Variants in NCKAP5 observed in about 807,000 individuals in gnomAD.
NCKAP5 encodes the protein NCK associated protein 5.
A neutral mutation model predicts 167.0 loss-of-function variants in NCKAP5; 92 were observed. The ratio of observed to expected loss-of-function variants is 0.55; its 90% CI spans 0.47 to 0.66. NCKAP5 has a LOEUF of 0.66. Ranked by LOEUF, NCKAP5 falls within the 30% of genes least tolerant of loss-of-function variation. The probability of loss-of-function intolerance (pLI) is 0.00; values close to 1 mark genes in which losing one functional copy is unlikely to be tolerated. For missense variants in NCKAP5, 2,378 were observed against 2,315.0 expected (o/e 1.03, Z -0.56); for synonymous variants, 891 against 877.4 (o/e 1.02, Z -0.27).
chr2:133,179,159 C>A (rs1343299070), intron 5 of NCKAP5, among the ~76,000 whole-genome samples: 1 of 150,614 alleles, frequency 6.6e-6, no homozygotes, highest in Non-Finnish European at 1.5e-5. Flanking sequence ...CAAAAGAAAG[C>A]AAAAAGTAAC....
intron 3 of NCKAP5, among the ~76,000 whole-genome samples, chr2:133,336,877 C>A (rs1683244986): frequency 6.6e-6 from 1 of 152,262 alleles, no homozygotes; most frequent in Non-Finnish European, 1.5e-5. Flanking sequence ...AGAGGTATAT[C>A]CCTACCGGGT....
At chr2:133,160,933 G>A (rs1486759788) in intron 5 of NCKAP5, among the ~76,000 whole-genome samples, 1 of 152,104 alleles carries the variant, frequency 6.6e-6, no homozygotes, top group African/African-American at 2.4e-5. Context: ...TGTGACAGGT[G>A]TCCCCAGCCC....
At chr2:133,615,958 A>C in the NCKAP5 span, among the ~76,000 whole-genome samples, 2 of 150,582 alleles carry the variant, frequency 1.3e-5, no homozygotes, top group Non-Finnish European at 3.0e-5. Context: ...TATCTCTCAG[A>C]CCACAGTGCA....
intron 7 of NCKAP5, among the ~76,000 whole-genome samples, chr2:132,991,830 T>C (rs2077457039): frequency 6.6e-6 from 1 of 152,188 alleles, no homozygotes; most frequent in East Asian, 1.9e-4. Flanking sequence ...AGCTCTTGCC[T>C]GAAACGCAGA....
chr2:133,020,175 T>C (rs140511705), intron 6 of NCKAP5, among the ~76,000 whole-genome samples: 1 of 152,344 alleles, frequency 6.6e-6, no homozygotes, highest in African/African-American at 2.4e-5. Context: ...GACGACATCA[T>C]GGGAATCCAT....
At chr2:133,023,043 C>T (rs1477626288) in intron 6 of NCKAP5, among the ~76,000 whole-genome samples, 1 of 152,158 alleles carries the variant, frequency 6.6e-6, no homozygotes, top group African/African-American at 2.4e-5. Context: ...AGTGGAGCCT[C>T]GAGGTGACTC....
At chr2:132,886,191 A>C (rs1469344013) in intron 8 of NCKAP5, among the ~76,000 whole-genome samples, 2 of 152,198 alleles carry the variant, frequency 1.3e-5, no homozygotes, top group African/African-American at 4.8e-5. Flanking sequence ...TGGATGTATA[A>C]AAATGTAGCA....
chr2:133,312,338 G>T (rs1681299109), intron 3 of NCKAP5, among the ~76,000 whole-genome samples: 3 of 152,110 alleles, frequency 2.0e-5, no homozygotes, highest in Non-Finnish European at 4.4e-5. Context: ...ACTTCAATTT[G>T]TTGGATACTG....
intron 19 of NCKAP5, among the ~76,000 whole-genome samples, chr2:132,718,269 C>T (rs1689561360): frequency 6.6e-6 from 1 of 152,212 alleles, no homozygotes. Context: ...AATCTTCTAT[C>T]CTCTAGCACT....
the NCKAP5 span, among the ~76,000 whole-genome samples, chr2:133,598,586 A>G: frequency 6.6e-6 from 1 of 152,192 alleles, no homozygotes; most frequent in Non-Finnish European, 1.5e-5. Context: ...CTCCTTGACA[A>G]CAGGGGCCCA....
intron 11 of NCKAP5, among the ~76,000 whole-genome samples, chr2:132,811,626 C>T (rs983196815): frequency 2.6e-5 from 4 of 152,094 alleles, no homozygotes; most frequent in Non-Finnish European, 5.9e-5. Flanking sequence ...CCCCTGCCCC[C>T]TCAACAGCCC....
chr2:133,329,615 G>A (rs1682694418), intron 3 of NCKAP5, among the ~76,000 whole-genome samples: 1 of 152,100 alleles, frequency 6.6e-6, no homozygotes, highest in African/African-American at 2.4e-5. Flanking sequence ...TAAGCCCACT[G>A]GAATTGTCAA....
At chr2:132,932,289 G>C (rs1438916324) in intron 8 of NCKAP5, among the ~76,000 whole-genome samples, 4 of 152,106 alleles carry the variant, frequency 2.6e-5, no homozygotes, top group Non-Finnish European at 5.9e-5. Flanking sequence ...TTCTGATCTG[G>C]AGAAGTATCA....
At chr2:133,119,661 T>C (rs1202467068) in intron 6 of NCKAP5, among the ~76,000 whole-genome samples, 3 of 152,130 alleles carry the variant, frequency 2.0e-5, no homozygotes, top group African/African-American at 4.8e-5. Flanking sequence ...TGTACATCTA[T>C]TATCTATCAA....
chr2:133,031,501 G>A (rs2320542), intron 6 of NCKAP5, among the ~76,000 whole-genome samples: 47,875 of 152,064 alleles, frequency 0.31, 7,513 homozygotes, highest in Non-Finnish European at 0.33. Flanking sequence ...CCATGTCTCC[G>A]AGTAAACTTG....
At chr2:133,512,140 G>A (rs2151424722) in intron 3 of NCKAP5, among the ~76,000 whole-genome samples, 1 of 152,306 alleles carries the variant, frequency 6.6e-6, no homozygotes, top group South Asian at 2.1e-4. Flanking sequence ...GCTGTACTGA[G>A]CAACACCAGC....
chr2:133,163,493 C>T (rs10175976), intron 5 of NCKAP5, among the ~76,000 whole-genome samples: 9,452 of 152,274 alleles, frequency 0.062, 379 homozygotes, highest in East Asian at 0.18. Flanking sequence ...ATTACATCTA[C>T]TTAGTACTGA....
At chr2:133,063,939 T>G (rs1203886262) in intron 6 of NCKAP5, among the ~76,000 whole-genome samples, 4 of 152,304 alleles carry the variant, frequency 2.6e-5, no homozygotes, top group South Asian at 2.1e-4. Flanking sequence ...ACTAGAAAGA[T>G]CTAGTGAACC....
intron 3 of NCKAP5, among the ~76,000 whole-genome samples, chr2:133,334,869 T>C (rs1230220319): frequency 6.6e-6 from 1 of 152,164 alleles, no homozygotes; most frequent in African/African-American, 2.4e-5. Context: ...TTTTTTATCT[T>C]GGTAAGAAGG....
Sources: gnomAD v4.1 joint callset for allele counts (sites outside exome capture counted in the v4.1 genomes callset) on GRCh38, gnomAD v4.1.1 for gene constraint, MANE v1.5 for transcripts, NCBI Gene and HGNC (gene_info 2026-07-23, HGNC 2026-07-21) for gene names.